Variants in WHRN observed in about 807,000 individuals in gnomAD.
WHRN encodes the protein CASK-interacting protein CIP98.
WHRN carries 41 observed loss-of-function variants against 68.3 expected under a neutral mutation model. That is an observed-to-expected ratio of 0.60 (90% CI 0.47 to 0.78). WHRN has a LOEUF of 0.78. WHRN is among the 30% of genes least tolerant of loss of function. The pLI, the probability that WHRN is intolerant of heterozygous loss-of-function variation, is 0.00. For missense variants in WHRN, 1,243 were observed against 1,244.7 expected, an observed-to-expected ratio of 1.00 and a Z score of 0.02; for synonymous variants, 560 against 561.3, an observed-to-expected ratio of 1.00 and a Z score of 0.03.
intron 3 of WHRN, among the ~76,000 whole-genome samples, chr9:114,428,931 CT>C (rs5900087): frequency 0.93 from 135,967 of 146,356 alleles, 63,649 homozygotes; most frequent in East Asian, 1. Flanking sequence ...AGATTAATTT[CT>C]TTTTTTTTTT....
chr9:114,489,186 G>T (rs1842765418), intron 1 of WHRN, among the ~76,000 whole-genome samples: 1 of 152,120 alleles, frequency 6.6e-6, no homozygotes, highest in East Asian at 1.9e-4. Context: ...GACCAGGAAG[G>T]CAAGAAATTG....
intron 2 of WHRN, among the ~76,000 whole-genome samples, chr9:114,467,332 C>T (rs753296868): frequency 2.0e-5 from 3 of 152,050 alleles, no homozygotes; most frequent in South Asian, 2.1e-4. Flanking sequence ...CTGAGGGGCC[C>T]GCAGTCTAGT....
intron 9 of WHRN, among the ~76,000 whole-genome samples, chr9:114,405,889 G>C (rs1834989925): frequency 6.6e-6 from 1 of 152,254 alleles, no homozygotes; most frequent in Non-Finnish European, 1.5e-5. Flanking sequence ...CACAGCGTCA[G>C]CTGGCCTCCC....
chr9:114,427,479 C>T lies in WHRN; in HGVS notation c.964-1066G>A, dbSNP rs148623749. 1.3e-3 allele frequency among the ~76,000 whole-genome samples: 204 copies of T among 152,318 alleles called. 2 individuals are homozygous for T. The East Asian group carries it at 0.036, about 27-fold the overall frequency. ...TGCCCAGGGTCATGTGCCACTGAGGCCTTGAAGGGCAGCCTCACAATGCTG... is the reference window on the plus strand; with the variant it reads ...TGCCCAGGGTCATGTGCCACTGAGGTCTTGAAGGGCAGCCTCACAATGCTG... On this transcript the variant is annotated intron_variant, in intron 3 of 11. Coordinates refer to ENST00000362057, the MANE Select transcript of WHRN (RefSeq NM_015404.4).
rs118089325 is a variant in WHRN, at chr9:114,478,124, T to C, written c.837+429A>G. ...TGACGGAGAAAAAAAAAAACTCTCATTTAAATCACAGTATTCAGCCAGGCA... is the reference window on the plus strand; with the variant it reads ...TGACGGAGAAAAAAAAAAACTCTCACTTAAATCACAGTATTCAGCCAGGCA... On this transcript the variant is annotated intron_variant, in intron 2 of 11. Transcript: ENST00000362057. Among the ~76,000 whole-genome samples the C allele has an allele frequency of 2.4e-3, 371 of 152,066 alleles. 5 individuals carry two copies. The South Asian group carries it at 0.033, about 13-fold the overall frequency.
At chr9:114,410,713 T>C (rs560159987) in intron 7 of WHRN, among the ~76,000 whole-genome samples, 1 of 152,340 alleles carries the variant, frequency 6.6e-6, no homozygotes, top group South Asian at 2.1e-4. Context: ...TGCCCCCATT[T>C]CCCCACAAAG....
At chr9:114,414,342 A>G (rs1377757143) in intron 7 of WHRN, among the ~76,000 whole-genome samples, 2 of 152,216 alleles carry the variant, frequency 1.3e-5, no homozygotes, top group Admixed American at 1.3e-4. Context: ...TATTCTGAAA[A>G]TTATATCAGG....
Position 114,406,645 on chromosome 9 carries a change from G to A in WHRN, c.1946C>T (p.Pro649Leu). ...GGCAGGGGAGACGGAGGCATAGATG[G>A]GGGAAGAGGGCAAGTCCTGTGCAGA... is the stretch of plus-strand genomic sequence containing the variant. ...TSSAQDLPSS[P>L]IYASVSPANP... Residue 649 changes from proline to leucine, a missense_variant, in exon 9 of 12, where the codon CCC (proline) becomes CTC (leucine). By Grantham distance (98) the Pro-to-Leu change is moderately conservative. Transcript: ENST00000362057. 4 of 1,613,196 alleles carry A rather than the reference G, an allele frequency of 2.5e-6. No individual in the cohort carries two copies. The highest frequency in any genetic ancestry group is 2.5e-6 in the Non-Finnish European group (3 of 1,179,458).
chr9:114,421,127 C>T (rs558673155), intron 7 of WHRN, among the ~76,000 whole-genome samples: 5 of 152,224 alleles, frequency 3.3e-5, no homozygotes, highest in Admixed American at 2.6e-4. Context: ...TTCATCTGTC[C>T]CAAAAAACTC....
rs150407952 is a variant in WHRN, at chr9:114,424,445, G to A, written c.1305C>T (p.Asn435=). The change falls in exon 6 of 12, where the codon AAC becomes AAT. Residue 435 remains asparagine, a synonymous_variant. Coordinates refer to ENST00000362057, the MANE Select transcript of WHRN (RefSeq NM_015404.4). Reference sequence around the variant, plus strand: ...AGGCCATGGTGGCGTGTTCCTGCTCGTTCAGCAGGTGCCGAGCCTGCTCCT... The same window carrying A: ...AGGCCATGGTGGCGTGTTCCTGCTCATTCAGCAGGTGCCGAGCCTGCTCCT... The part of the protein sequence containing the change: ...LLEEQARHLL[N]EQEHATMAYY... 496 of 1,613,750 alleles carry A rather than the reference G, an allele frequency of 3.1e-4. 1 individual carries two copies. In the African/African-American group the frequency reaches 5.6e-3, roughly 18 times the overall value.
chr9:114,483,236 A>C (rs1353349745), intron 1 of WHRN, among the ~76,000 whole-genome samples: 1 of 152,132 alleles, frequency 6.6e-6, no homozygotes, highest in Admixed American at 6.5e-5. Flanking sequence ...CAGACTTTCA[A>C]TATCTACGCA....
intron 2 of WHRN, among the ~76,000 whole-genome samples, chr9:114,473,553 G>A (rs1353638686): frequency 6.6e-6 from 1 of 152,206 alleles, no homozygotes; most frequent in Non-Finnish European, 1.5e-5. Context: ...CTATCTGTAA[G>A]TATTTTATAG....
In WHRN at chr9:114,482,645, C is replaced by T. The variant is rs75107817; in HGVS notation, c.619-3874G>A. On this transcript the variant is annotated intron_variant, in intron 1 of 11. Coordinates refer to ENST00000362057, the MANE Select transcript of WHRN (RefSeq NM_015404.4). ...CCCCTCAGCATGTCTGCATGGAGAT[C>T]GAAAACCATGCGGTAGCAAAACGTT... Among the ~76,000 whole-genome samples, 1,361 of 151,038 alleles carry T rather than the reference C, an allele frequency of 9.0e-3. 4 individuals carry two copies. The highest frequency in any genetic ancestry group is 0.015 in the Non-Finnish European group (1,047 of 67,862).
chr9:114,437,930 G>A lies in WHRN; in HGVS notation c.964-11517C>T, dbSNP rs184215584. 2.4e-3 allele frequency among the ~76,000 whole-genome samples: 369 copies of A among 152,230 alleles called. 1 individual carries two copies. The South Asian group carries it at 0.032, about 13-fold the overall frequency. ...GAGGAAAAAAGATCCAAAATCCTGA[G>A]AGCAAAAGGATAATAAAAGACATGA... On this transcript the variant is annotated intron_variant, in intron 3 of 11. Coordinates refer to ENST00000362057, the MANE Select transcript of WHRN (RefSeq NM_015404.4).
chr9:114,461,136 T>TA (rs1256576115), intron 3 of WHRN, among the ~76,000 whole-genome samples: 2 of 152,252 alleles, frequency 1.3e-5, no homozygotes, highest in African/African-American at 4.8e-5. Flanking sequence ...AGAGGCAAAC[T>TA]AAAGTGAGTG....
At chr9:114,461,594 C>A (rs562047132) in intron 3 of WHRN, among the ~76,000 whole-genome samples, 7 of 152,364 alleles carry the variant, frequency 4.6e-5, no homozygotes, top group Admixed American at 3.9e-4. Context: ...CACGTTCAGC[C>A]ACATGGGCCT....
At chr9:114,461,188 C>T (rs7847432) in intron 3 of WHRN, among the ~76,000 whole-genome samples, 113,489 of 152,134 alleles carry the variant, frequency 0.75, 42,527 homozygotes, top group East Asian at 0.97. Context: ...TGTTTCCGAA[C>T]GGAAATCACT....
chr9:114,485,517 C>T (rs751943820), intron 1 of WHRN, among the ~76,000 whole-genome samples: 3 of 147,632 alleles, frequency 2.0e-5, no homozygotes, highest in Non-Finnish European at 4.5e-5. Context: ...ATGGTGAAAC[C>T]ACGTCTCTAC....
Position 114,466,373 on chromosome 9 carries a change from T to C in WHRN, c.857A>G (p.Asp286Gly), listed in dbSNP as rs1840693777. The stretch of plus-strand genomic sequence containing the variant: ...GATCGTGAGGCCCAGGGACCGGCCG[T>C]CCCCCAGCACCAGGTTCACCTGTCA... Reference protein sequence around the residue: ...DEKKVNLVLGDGRSLGLTIRG... With the variant: ...DEKKVNLVLGGGRSLGLTIRG... The change falls in exon 3 of 12, where the codon GAC becomes GGC. Residue 286 changes from aspartate (D) to glycine (G), a missense_variant. Coordinates refer to ENST00000362057, the MANE Select transcript of WHRN (RefSeq NM_015404.4). 5.6e-6 allele frequency: 9 copies of C among 1,613,876 alleles called. No individual in the cohort carries two copies. Among genetic ancestry groups the C allele is most frequent in the Non-Finnish European group, 7.6e-6 (9 of 1,179,990 alleles).
Sources: allele counts gnomAD v4.1 joint callset (sites outside exome capture counted in the v4.1 genomes callset), GRCh38; gene constraint gnomAD v4.1.1; transcripts MANE v1.5; gene names NCBI Gene and HGNC (gene_info 2026-07-23, HGNC 2026-07-21).